Variants in LYRM7 observed in about 807,000 individuals in gnomAD.
The protein encoded by LYRM7 is LYR motif containing 7.
A neutral mutation model predicts 15.8 loss-of-function variants in LYRM7; 9 were observed. That is an observed-to-expected ratio of 0.57 (90% CI 0.34 to 0.99). LYRM7 has a LOEUF of 0.99. Among genes scored for constraint, LYRM7 ranks in the 50% least tolerant of loss-of-function variants. LYRM7 has a pLI of 0.02. For missense variants in LYRM7, 115 were observed against 119.1 expected (o/e 0.97, Z 0.16); for synonymous variants, 39 against 39.4 (o/e 0.99, Z 0.04).
At chr5:131,179,474 T>C (rs7703683) in intron 1 of LYRM7, among the ~76,000 whole-genome samples, 1,232 of 23,438 alleles carry the variant, frequency 0.053, 18 homozygotes, top group South Asian at 0.12. Flanking sequence ...TTTTTTTTTC[T>C]TTTTTTTTTT....
At chr5:131,172,588 A>C (rs1755539929) in intron 1 of LYRM7, among the ~76,000 whole-genome samples, 2 of 152,206 alleles carry the variant, frequency 1.3e-5, no homozygotes, top group African/African-American at 4.8e-5. Context: ...AGTAGGATTC[A>C]TTCCAAAAAC....
intron 4 of LYRM7, among the ~76,000 whole-genome samples, chr5:131,191,151 CTG>C (rs1270100619): frequency 1.3e-5 from 2 of 150,382 alleles, no homozygotes; most frequent in Non-Finnish European, 1.5e-5. Flanking sequence ...CTCATTCTTT[CTG>C]TGTGTGTGTG....
At chr5:131,181,316 TAC>T (rs1554089874) in intron 2 of LYRM7, among the ~76,000 whole-genome samples, 700 of 27,584 alleles carry the variant, frequency 0.025, 63 homozygotes, top group African/African-American at 0.06. Context: ...TATATATATA[TAC>T]ACACACACAC....
intron 4 of LYRM7, among the ~76,000 whole-genome samples, chr5:131,192,304 G>C: frequency 6.6e-6 from 1 of 152,112 alleles, no homozygotes; most frequent in East Asian, 1.9e-4. Context: ...CTAGAGGTTG[G>C]TTAATGGGTC....
chr5:131,199,641 T>TA lies in LYRM7; in HGVS notation c.*44dup. On this transcript the variant is annotated 3_prime_UTR_variant, in exon 5 of 5. Transcript: ENST00000379380. Reference sequence around the variant, plus strand: ...AACAAGTCTTTGTACTTTTTAACTTTAAAATCTACAACTCTGGCAAAAGTC... The same window carrying TA: ...AACAAGTCTTTGTACTTTTTAACTTTAAAAATCTACAACTCTGGCAAAAGTC... 6.9e-7 allele frequency: 1 copy of TA among 1,439,704 alleles called. No individual in the cohort carries two copies. Among genetic ancestry groups the TA allele is most frequent in the Non-Finnish European group, 9.5e-7 (1 of 1,048,750 alleles). The allele number at this position is 1,439,704 out of a possible 1,614,324, so 89.2% of individuals were successfully genotyped here.
intron 2 of LYRM7, among the ~76,000 whole-genome samples, chr5:131,181,667 A>T (rs1755716269): frequency 6.6e-6 from 1 of 151,664 alleles, no homozygotes; most frequent in African/African-American, 2.4e-5. Flanking sequence ...GCACAATAAG[A>T]CCAGTGAGAT....
intron 4 of LYRM7, among the ~76,000 whole-genome samples, chr5:131,198,878 T>G (rs1031776064): frequency 6.6e-6 from 1 of 152,040 alleles, no homozygotes; most frequent in African/African-American, 2.4e-5. Flanking sequence ...GCCAAAAATT[T>G]GTATCTTAAG....
intron 1 of LYRM7, among the ~76,000 whole-genome samples, chr5:131,173,474 G>A (rs1755553362): frequency 6.6e-6 from 1 of 152,232 alleles, no homozygotes. Context: ...GGCTGGGAAA[G>A]GTGGCTCACG....
rs562827216 is a variant in LYRM7 at position 131,180,881 on chromosome 5, T to C, written c.91+714T>C. Reference sequence around the variant, plus strand: ...TTCCTATTTTTACAAATGAGAAAATTGACAAAATGTGAAAATATCTGTCCC... The same window carrying C: ...TTCCTATTTTTACAAATGAGAAAATCGACAAAATGTGAAAATATCTGTCCC... On this transcript the variant is annotated intron_variant, in intron 2 of 4. Coordinates refer to ENST00000379380, the MANE Select transcript of LYRM7 (RefSeq NM_181705.4). Among the ~76,000 whole-genome samples the C allele has an allele frequency of 7.2e-5, 11 of 152,280 alleles. No individual in the cohort carries two copies. The East Asian group carries it at 2.1e-3, about 29-fold the overall frequency.
Position 131,199,659 on chromosome 5 carries a change from CA to C in LYRM7, c.*62del. On this transcript the variant is annotated 3_prime_UTR_variant, in exon 5 of 5. Coordinates refer to ENST00000379380, the MANE Select transcript of LYRM7 (RefSeq NM_181705.4). ...TTAACTTTAAAATCTACAACTCTGG[CA>C]AAAGTCCTGGAAATGCAGACATTTT... 8.0e-7 allele frequency: 1 copy of C among 1,243,710 alleles called. No individual in the cohort carries two copies. The highest frequency in any genetic ancestry group is 1.5e-5 in the South Asian group (1 of 68,618). 77.0% of individuals were successfully genotyped at this position (1,243,710 alleles called of 1,614,324 possible).
At chr5:131,172,011 A>G (rs964542190) in intron 1 of LYRM7, among the ~76,000 whole-genome samples, 1 of 152,230 alleles carries the variant, frequency 6.6e-6, no homozygotes, top group Admixed American at 6.5e-5. Flanking sequence ...CTTCATAAAG[A>G]AATCTAGCAG....
intron 3 of LYRM7, among the ~76,000 whole-genome samples, chr5:131,186,475 T>C (rs1037593915): frequency 2.0e-5 from 3 of 152,208 alleles, no homozygotes; most frequent in African/African-American, 4.8e-5. Flanking sequence ...CCCTTTATCA[T>C]TGGGGAATAC....
intron 3 of LYRM7, among the ~76,000 whole-genome samples, chr5:131,183,165 A>C (rs1386862239): frequency 1.3e-5 from 2 of 152,194 alleles, no homozygotes; most frequent in Non-Finnish European, 2.9e-5. Context: ...TAGTGGAGAA[A>C]ATGCTATTTT....
At chr5:131,190,037 G>A (rs1422838320) in intron 4 of LYRM7, among the ~76,000 whole-genome samples, 1 of 151,782 alleles carries the variant, frequency 6.6e-6, no homozygotes, top group African/African-American at 2.4e-5. Context: ...GGGAGGCTGA[G>A]GTGGGAGGAT....
At position 131,199,625 on chromosome 5, in the gene LYRM7, T is replaced by G; in HGVS notation, c.*24T>G. The G allele has an allele frequency of 1.9e-6, 3 of 1,540,886 alleles. 1 individual carries two copies. Among genetic ancestry groups the G allele is most frequent in the Middle Eastern group, 1.7e-4 (1 of 5,858 alleles). On this transcript the variant is annotated 3_prime_UTR_variant, in exon 5 of 5. Coordinates refer to ENST00000379380, the MANE Select transcript of LYRM7 (RefSeq NM_181705.4). ...GAGTTTTCTAGAATACAACAAGTCT[T>G]TGTACTTTTTAACTTTAAAATCTAC... is the stretch of plus-strand genomic sequence containing the variant.
At chr5:131,179,944 A>AT (rs1447739115) in intron 1 of LYRM7, 151 bp from the exon 2 acceptor site, 4,501 of 445,192 alleles carry the variant, frequency 0.01, no homozygotes, top group East Asian at 0.013. Flanking sequence ...TCAAAAAAAA[A>AT]TTTTTTTTTT....
intron 4 of LYRM7, among the ~76,000 whole-genome samples, chr5:131,192,601 G>A (rs1755904519): frequency 6.6e-6 from 1 of 152,014 alleles, no homozygotes; most frequent in South Asian, 2.1e-4. Flanking sequence ...ATCCTTGCCG[G>A]TGAATTCAAG....
chr5:131,182,158 ATGTG>A, intron 2 of LYRM7, 67 bp from the exon 3 acceptor site: 1 of 1,253,618 alleles, frequency 8.0e-7, no homozygotes, highest in South Asian at 1.4e-5. Flanking sequence ...ATAGTGAATA[ATGTG>A]TCAATTATTG....
Position 131,182,278 on chromosome 5 carries a change from T to G in LYRM7, c.141T>G (p.Thr47=). 1 of 1,425,928 alleles carries G rather than the reference T, an allele frequency of 7.0e-7. No homozygotes were observed. The highest frequency in any genetic ancestry group is 9.5e-7 in the Non-Finnish European group (1 of 1,052,078). The allele number at this position is 1,425,928 out of a possible 1,614,324, so 88.3% of individuals were successfully genotyped here. Residue 47 remains threonine, a synonymous_variant, in exon 3 of 5, where the codon ACT becomes ACG. Transcript: ENST00000379380. The part of the protein sequence containing the change: ...NEEFKNNKSE[T]SSKKIEELMK... ...AATTCAAAAATAATAAAAGTGAAAC[T>G]TCTTCTAAGAAAATAGAAGAGGTAC... is the stretch of plus-strand genomic sequence containing the variant.
Sources: gnomAD v4.1 joint callset for allele counts (sites outside exome capture counted in the v4.1 genomes callset) on GRCh38, gnomAD v4.1.1 for gene constraint, MANE v1.5 for transcripts, NCBI Gene and HGNC (gene_info 2026-07-23, HGNC 2026-07-21) for gene names.